The following LIMK2 variants were observed in gnomAD, a reference collection of about 807,000 sequenced individuals.
LIMK2 encodes LIM domain kinase 2.
A neutral mutation model predicts 75.7 loss-of-function variants in LIMK2; 35 were observed. The observed-to-expected ratio is 0.46, with a 90% confidence interval of 0.35 to 0.61. LIMK2 has a LOEUF of 0.61. LIMK2 is among the 20% of genes least tolerant of loss of function. LIMK2 has a pLI of 0.00. For synonymous variants in LIMK2, 301 were observed against 319.2 expected, an observed-to-expected ratio of 0.94 and a Z score of 0.61; for missense variants, 623 against 831.0, an observed-to-expected ratio of 0.75 and a Z score of 3.08.
At chr22:31,232,752 A>G (rs1409984235) in intron 2 of LIMK2, among the ~76,000 whole-genome samples, 1 of 151,958 alleles carries the variant, frequency 6.6e-6, no homozygotes, top group Non-Finnish European at 1.5e-5. Flanking sequence ...ACACACTACC[A>G]TGCCCAGCTA....
In LIMK2 at chr22:31,269,057, T is replaced by TG. The variant is rs78603981; in HGVS notation, c.1317+857_1317+858insG. On this transcript the variant is annotated intron_variant, in intron 11 of 15. Transcript: ENST00000331728. ...TTTTTTGTTTGTTTGTTTGTTTGTT[T>TG]TTTTGTTTTTTTTTCCTGTTTCTGG... 4.0e-4 allele frequency among the ~76,000 whole-genome samples: 59 copies of TG among 147,330 alleles called. No individual in the cohort carries two copies. In the Middle Eastern group the frequency reaches 0.022, roughly 54 times the overall value.
Position 31,275,171 on chromosome 22 carries a change from A to T in LIMK2, c.1635A>T (p.Ala545=). The T allele has an allele frequency of 6.2e-7, 1 of 1,614,198 alleles. No homozygotes were observed. Among genetic ancestry groups the T allele is most frequent in the South Asian group, 1.1e-5 (1 of 91,086 alleles). Residue 545 remains alanine, a synonymous_variant, in exon 15 of 16, where the codon GCA becomes GCT. Transcript: ENST00000331728. ...VLCEIIGQVY[A]DPDCLPRTLD... ...TACAGATCATTGGGCAGGTGTATGC[A>T]GATCCTGACTGCCTTCCCCGAACAC...
intron 2 of LIMK2, among the ~76,000 whole-genome samples, chr22:31,249,492 C>T (rs1601421796): frequency 6.6e-6 from 1 of 152,326 alleles, no homozygotes; most frequent in East Asian, 1.9e-4. Flanking sequence ...AACTCTACCT[C>T]TAACCTGGCT....
chr22:31,278,035 AGATAT>A (rs1181506770), intron 15 of LIMK2, among the ~76,000 whole-genome samples: 1 of 152,142 alleles, frequency 6.6e-6, no homozygotes, highest in African/African-American at 2.4e-5. Context: ...ATTTTCTCTA[AGATAT>A]GGGAGGGAAG....
chr22:31,271,740 C>T (rs2123861577), intron 12 of LIMK2, among the ~76,000 whole-genome samples: 1 of 152,318 alleles, frequency 6.6e-6, no homozygotes, highest in African/African-American at 2.4e-5. Flanking sequence ...ACGCAATCTT[C>T]ATTCCTTTCC....
chr22:31,247,341 T>A (rs767520333), intron 2 of LIMK2, among the ~76,000 whole-genome samples: 7 of 152,078 alleles, frequency 4.6e-5, no homozygotes, highest in Admixed American at 1.3e-4. Context: ...TCAGGTGGGC[T>A]CCCATTCCAG....
intron 2 of LIMK2, among the ~76,000 whole-genome samples, chr22:31,232,221 A>G (rs1330587610): frequency 6.7e-6 from 1 of 150,152 alleles, no homozygotes; most frequent in African/African-American, 2.4e-5. Context: ...CTGGCTCCCA[A>G]GAGAGTCTGC....
intron 5 of LIMK2, among the ~76,000 whole-genome samples, chr22:31,261,281 C>T (rs548940056): frequency 3.3e-5 from 5 of 152,180 alleles, no homozygotes; most frequent in African/African-American, 9.6e-5. Flanking sequence ...GGCGCAGTGG[C>T]TCACGCCTGT....
intron 2 of LIMK2, among the ~76,000 whole-genome samples, chr22:31,242,925 TA>T (rs370387346): frequency 5.1e-4 from 78 of 152,224 alleles, no homozygotes; most frequent in African/African-American, 1.6e-3. Context: ...TGGGACATTT[TA>T]TTTATTTATT....
rs371699959 is a variant in LIMK2 at position 31,262,171 on chromosome 22, G to A, written c.589G>A (p.Ala197Thr). 48 of 1,614,136 alleles carry A rather than the reference G, an allele frequency of 3.0e-5. No individual in the cohort carries two copies. Among genetic ancestry groups the A allele is most frequent in the South Asian group, 1.5e-4 (14 of 91,076 alleles). The change falls in exon 6 of 16, where the codon GCC becomes ACC. Residue 197 changes from alanine (A) to threonine (T), a missense_variant. Physicochemically the swap from Ala to Thr is moderately conservative, Grantham distance 58. Coordinates refer to ENST00000331728, the MANE Select transcript of LIMK2 (RefSeq NM_005569.4). This position sits in a 1 kb window ranked among gnomAD's most constrained non-coding sequence, Gnocchi z 5.0. The stretch of plus-strand genomic sequence containing the variant: ...GCACATCAGTCCCAACAATCGAAAC[G>A]CCATCCACCCTGGGGACCGCATCCT... ...RMHISPNNRN[A>T]IHPGDRILEI...
At chr22:31,248,612 G>A in intron 2 of LIMK2, 1 of 1,611,372 alleles carries the variant, frequency 6.2e-7, no homozygotes, top group Non-Finnish European at 8.5e-7. Flanking sequence ...CCTGCAGCCA[G>A]AGGTGCCGGG....
rs575869944 is a variant in LIMK2 at position 31,262,617 on chromosome 22, C to A, written c.680C>A (p.Thr227Lys). 7 of 1,612,986 alleles carry A rather than the reference C, an allele frequency of 4.3e-6. No homozygotes were observed. The highest frequency in any genetic ancestry group is 4.2e-6 in the Non-Finnish European group (5 of 1,179,340). ...CAGGTGGAGGATGCAATTAGCCAGA[C>A]GAGCCAGACACTTCAGCTGTTGATT... ...VEEVEDAISQ[T>K]SQTLQLLIEH... The change falls in exon 7 of 16, where the codon ACG (threonine) becomes AAG (lysine). Residue 227 changes from threonine (T) to lysine (K), a missense_variant. This residue lies in a region of LIMK2 where 514 missense variants were observed against 661.3 expected (regional missense o/e 0.78). Transcript: ENST00000331728. The surrounding 1 kb of genome is among the most constrained non-coding windows in gnomAD (Gnocchi z 5.0).
intron 2 of LIMK2, among the ~76,000 whole-genome samples, chr22:31,242,749 G>T (rs2048633514): frequency 6.6e-6 from 1 of 152,146 alleles, no homozygotes; most frequent in Non-Finnish European, 1.5e-5. Context: ...GCCAAATATT[G>T]TCTTTTACCT....
At chr22:31,223,181 TATGAG>T (rs2048451088) in intron 1 of LIMK2, among the ~76,000 whole-genome samples, 1 of 152,058 alleles carries the variant, frequency 6.6e-6, no homozygotes. Context: ...ACCAGGTGGA[TATGAG>T]AGGAGAGAGT....
intron 2 of LIMK2, among the ~76,000 whole-genome samples, chr22:31,255,800 TC>T (rs1294562086): frequency 3.2e-4 from 48 of 152,234 alleles, no homozygotes. Context: ...TTAGCTTATT[TC>T]CTCTTCACAT....
At chr22:31,213,079 C>G (rs1355337220) in intron 1 of LIMK2, among the ~76,000 whole-genome samples, 2 of 152,160 alleles carry the variant, frequency 1.3e-5, no homozygotes, top group East Asian at 3.9e-4. Flanking sequence ...GCCCAAAGAT[C>G]TCTGCTACAG....
Position 31,276,796 on chromosome 22 carries a change from C to A in LIMK2, c.1772+1488C>A, listed in dbSNP as rs779186715. On this transcript the variant is annotated intron_variant, in intron 15 of 15. Transcript: ENST00000331728. ...CCACGCATCTACTTTCAGAGCCCCC[C>A]CCGGGGCCGCAGGAGAGGGCCCGGG... 6.5e-5 allele frequency: 104 copies of A among 1,609,120 alleles called. No homozygotes were observed. Among genetic ancestry groups the A allele is most frequent in the Non-Finnish European group, 8.4e-5 (99 of 1,178,806 alleles).
intron 8 of LIMK2, 91 bp from the exon 9 acceptor site, chr22:31,266,893 G>A: frequency 1.1e-6 from 1 of 873,064 alleles, no homozygotes; most frequent in East Asian, 2.7e-5. Context: ...TGCCCTCCAA[G>A]GGATGGGATG....
At chr22:31,268,037 G>A in intron 10 of LIMK2, 107 bp from the exon 11 acceptor site, 1 of 1,525,060 alleles carries the variant, frequency 6.6e-7, no homozygotes, top group Non-Finnish European at 9.1e-7. Context: ...GGGTGGGACT[G>A]AGCATACACA....
Sources: gnomAD v4.1 joint callset for allele counts (sites outside exome capture counted in the v4.1 genomes callset) on GRCh38, gnomAD v4.1.1 for gene constraint, gnomAD v4.1.1 regional missense constraint, Gnocchi (gnomAD v3.1) non-coding constraint, MANE v1.5 for transcripts, NCBI Gene and HGNC (gene_info 2026-07-23, HGNC 2026-07-21) for gene names.